PPP2R5C: variants seen among roughly 807,000 people sequenced by gnomAD.
PPP2R5C encodes the protein serine/threonine-protein phosphatase 2A 56 kDa regulatory subunit gamma isoform.
PPP2R5C carries 7 observed loss-of-function variants against 68.9 expected under a neutral mutation model. That is an observed-to-expected ratio of 0.10 (90% CI 0.06 to 0.19). The LOEUF (loss-of-function observed/expected upper bound fraction) is 0.19. PPP2R5C is among the 10% of genes least tolerant of loss of function. PPP2R5C has a pLI of 1.00. For synonymous variants in PPP2R5C, 210 were observed against 222.2 expected (o/e 0.95, Z 0.49); for missense variants, 348 against 641.3 (o/e 0.54, Z 4.94).
chr14:101,876,444 T>C (rs1384230767), intron 2 of PPP2R5C, among the ~76,000 whole-genome samples: 3 of 152,032 alleles, frequency 2.0e-5, no homozygotes, highest in African/African-American at 7.3e-5. Flanking sequence ...TCCCTTCATG[T>C]CTTAAAATTT....
At chr14:101,822,578 T>A (rs1351327608) in intron 1 of PPP2R5C, among the ~76,000 whole-genome samples, 2 of 152,228 alleles carry the variant, frequency 1.3e-5, no homozygotes, top group African/African-American at 2.4e-5. Flanking sequence ...TTTTTACTTA[T>A]CCTTCCTCTC....
At chr14:101,789,068 G>A (rs542168593) in intron 3 of PPP2R5C, among the ~76,000 whole-genome samples, 3 of 152,042 alleles carry the variant, frequency 2.0e-5, no homozygotes, top group Admixed American at 6.5e-5. Context: ...TTCTTTTGCC[G>A]TCACCTTACC....
intron 10 of PPP2R5C, 136 bp from the exon 13 acceptor site, chr14:101,909,453 A>G: frequency 1.9e-6 from 1 of 524,022 alleles, no homozygotes; most frequent in Non-Finnish European, 3.5e-6. Flanking sequence ...ACGCGGAATG[A>G]GCAGGCCTTG....
intron 1 of PPP2R5C, chr14:101,820,471 G>A (rs1327288816): frequency 6.6e-6 from 1 of 152,244 alleles, no homozygotes; most frequent in Non-Finnish European, 1.5e-5. Flanking sequence ...AAGACACACT[G>A]CCGGGTGTTC....
intron 2 of PPP2R5C, chr14:101,765,158 ACTGT>A (rs1287172508): frequency 2.8e-6 from 2 of 702,610 alleles, no homozygotes; most frequent in African/African-American, 3.5e-5. Flanking sequence ...TTCTAGTGCT[ACTGT>A]CTAAGAGCTG....
chr14:101,808,359 C>T (rs2039162109), upstream of PPP2R5C, among the ~76,000 whole-genome samples: 1 of 152,114 alleles, frequency 6.6e-6, no homozygotes, highest in Non-Finnish European at 1.5e-5. Context: ...TCAGGTGGTG[C>T]GTGCCCACTG....
chr14:101,810,816 A>T (rs546616594), intron 1 of PPP2R5C, among the ~76,000 whole-genome samples: 1 of 152,342 alleles, frequency 6.6e-6, no homozygotes, highest in East Asian at 1.9e-4. Flanking sequence ...CTACTCTAGT[A>T]ATTAATAGCG....
At chr14:101,776,742 C>T (rs142571370) in intron 2 of PPP2R5C, among the ~76,000 whole-genome samples, 1 of 152,298 alleles carries the variant, frequency 6.6e-6, no homozygotes, top group African/African-American at 2.4e-5. Context: ...TACCAGTCTG[C>T]TCTCTGTAGA....
rs1478110278 is a variant in PPP2R5C at position 101,906,486 on chromosome 14, A to G, written c.1108A>G (p.Met370Val). The change falls in exon 10 of 14, where the codon ATG becomes GTG. Residue 370 changes from methionine to valine, a missense_variant. By Grantham distance (21) the Met-to-Val change is conservative. Transcript: ENST00000334743. This position sits in a 1 kb window ranked among gnomAD's most constrained non-coding sequence, Gnocchi z 4.0. ...CAACGCAGCGAAGATTCTGCCCATCATGTTTCCTTCCTTGTACCGCAACTC... is the reference window on the plus strand; with the variant it reads ...CAACGCAGCGAAGATTCTGCCCATCGTGTTTCCTTCCTTGTACCGCAACTC... 3 of 1,613,734 alleles carry G rather than the reference A, an allele frequency of 1.9e-6. No homozygotes were observed.
At chr14:101,921,752 G>A (rs1011932508) in intron 13 of PPP2R5C, among the ~76,000 whole-genome samples, 1 of 152,098 alleles carries the variant, frequency 6.6e-6, no homozygotes, top group Non-Finnish European at 1.5e-5. Context: ...AGGTGTGAGA[G>A]GTAGTTGAAG....
chr14:101,774,520 T>C (rs1470552486), intron 2 of PPP2R5C, among the ~76,000 whole-genome samples: 2 of 152,226 alleles, frequency 1.3e-5, no homozygotes, highest in Admixed American at 6.5e-5. Flanking sequence ...TCTGAGTGCG[T>C]GGCCTCGGGG....
In PPP2R5C at chr14:101,894,387, C is replaced by G; in HGVS notation, c.799-120C>G. 3.7e-6 allele frequency: 3 copies of G among 819,734 alleles called. No individual in the cohort carries two copies. In the South Asian group the frequency reaches 4.7e-5, roughly 13 times the overall value. 50.8% of individuals were successfully genotyped at this position (819,734 alleles called of 1,614,324 possible). A position where few individuals can be genotyped will look rare whatever the true frequency, so the allele number is the denominator to read the frequency against. ...TTAATGCCCGTTAATCACACAAGGG[C>G]TTTGTCTGTACCGTGGGTCCTTGTC... On this transcript the variant is annotated intron_variant, in intron 7 of 13. Transcript: ENST00000334743.
rs7153916 is a variant in PPP2R5C at position 101,787,253 on chromosome 14, G to A, written c.259+1070G>A. On this transcript the variant is annotated intron_variant, in intron 3 of 14. Transcript: ENST00000328724. ...TGACAGACTGAGATCTTGTTCTCAGGAAAAAGAAAAGTAAATATGAACTCA... is the reference window on the plus strand; with the variant it reads ...TGACAGACTGAGATCTTGTTCTCAGAAAAAAGAAAAGTAAATATGAACTCA... Among the ~76,000 whole-genome samples, 662 of 152,082 alleles carry A rather than the reference G, an allele frequency of 4.4e-3. 4 individuals carry two copies. The highest frequency in any genetic ancestry group is 0.015 in the African/African-American group (643 of 41,492).
intron 2 of PPP2R5C, among the ~76,000 whole-genome samples, chr14:101,763,894 C>T (rs1047365084): frequency 1.3e-5 from 2 of 152,238 alleles, no homozygotes; most frequent in African/African-American, 2.4e-5. Context: ...CTGCTACTGA[C>T]GTCCTGGGCT....
chr14:101,917,698 C>T lies in PPP2R5C; in HGVS notation c.1327-133C>T, dbSNP rs2046758520. The stretch of plus-strand genomic sequence containing the variant: ...CATCATGTTGCAGGTGTAGGCGAGT[C>T]TCCCACTGAGTGGGCTTCCTGCGGG... On this transcript the variant is annotated intron_variant, in intron 12 of 13. Transcript: ENST00000334743. The surrounding 1 kb of genome is among the most constrained non-coding windows in gnomAD (Gnocchi z 4.4). 2 of 1,230,356 alleles carry T rather than the reference C, an allele frequency of 1.6e-6. No individual in the cohort carries two copies. The highest frequency in any genetic ancestry group is 2.2e-5 in the Admixed American group (1 of 45,772). The allele number at this position is 1,230,356 out of a possible 1,614,324, so 76.2% of individuals were successfully genotyped here. A position where few individuals can be genotyped will look rare whatever the true frequency, so the allele number is the denominator to read the frequency against.
chr14:101,771,788 G>A (rs1353761751), intron 2 of PPP2R5C, among the ~76,000 whole-genome samples: 1 of 152,098 alleles, frequency 6.6e-6, no homozygotes, highest in African/African-American at 2.4e-5. Context: ...CAGCCTGCAG[G>A]TGTTAGCTCT....
At chr14:101,895,371 A>G (rs2045249746) in intron 8 of PPP2R5C, among the ~76,000 whole-genome samples, 1 of 152,198 alleles carries the variant, frequency 6.6e-6, no homozygotes, top group African/African-American at 2.4e-5. Flanking sequence ...TGTACAGTTC[A>G]CCAGCGTTAA....
At chr14:101,837,965 C>T (rs1356024698) in intron 1 of PPP2R5C, among the ~76,000 whole-genome samples, 5 of 152,092 alleles carry the variant, frequency 3.3e-5, no homozygotes, top group African/African-American at 2.4e-5. Context: ...TGGCCGTGTT[C>T]TCATGTGCAG....
At chr14:101,807,417 G>A (rs1039008069), upstream of PPP2R5C, among the ~76,000 whole-genome samples, 1 of 152,082 alleles carries the variant, frequency 6.6e-6, no homozygotes, top group African/African-American at 2.4e-5. Flanking sequence ...TTTCTCATTA[G>A]TAGTGTTCTC....
Sources: allele counts gnomAD v4.1 joint callset (sites outside exome capture counted in the v4.1 genomes callset), GRCh38; gene constraint gnomAD v4.1.1; non-coding constraint Gnocchi (gnomAD v3.1); transcripts MANE v1.5; gene names NCBI Gene and HGNC (gene_info 2026-07-23, HGNC 2026-07-21).